PTPN5: variants seen among roughly 807,000 people sequenced by gnomAD.
PTPN5 encodes the protein protein tyrosine phosphatase non-receptor type 5, also known as tyrosine-protein phosphatase non-receptor type 5.
In PTPN5, 29 loss-of-function variants were observed where a neutral mutation model predicts 73.9. The observed-to-expected ratio is 0.39, with a 90% CI of 0.29 to 0.54. The LOEUF is 0.54. PTPN5 is among the 20% of genes least tolerant of loss of function. PTPN5 has a pLI of 0.65. For missense variants in PTPN5, 652 were observed against 751.4 expected, an observed-to-expected ratio of 0.87 and a Z score of 1.55; for synonymous variants, 267 against 304.7, an observed-to-expected ratio of 0.88 and a Z score of 1.29.
chr11:18,739,660 G>A (rs1324006764), intron 8 of PTPN5, among the ~76,000 whole-genome samples: 1 of 152,234 alleles, frequency 6.6e-6, no homozygotes, highest in East Asian at 1.9e-4. Context: ...AAGGAAGGGA[G>A]CTATGAGGGA....
rs1309157938 is a variant in PTPN5 at position 18,728,944 on chromosome 11, G to A, written c.1688C>T (p.Ser563Phe). 1 of 1,613,348 alleles carries A rather than the reference G, an allele frequency of 6.2e-7. No homozygotes were observed. The highest frequency in any genetic ancestry group is 2.2e-5 in the East Asian group (1 of 44,826). The change falls in exon 15 of 15, where the codon TCC becomes TTC. Residue 563 changes from serine (S) to phenylalanine (F), a missense_variant. Physicochemically the swap from Ser to Phe is radical, Grantham distance 155. Around this residue, in one of 3 missense-constraint regions of PTPN5, gnomAD observed 21 missense variants for 16.9 expected, o/e 1.24. Transcript: ENST00000358540. The surrounding 1 kb of genome is among the most constrained non-coding windows in gnomAD (Gnocchi z 4.1). ...SLYEKQLSHQ[S>F]PE ...GTAGGAGAAGCGCAGTCATTCTGGG[G>A]ACTGGTGGGACAGCTGCTTTTCGTA...
chr11:18,733,299 C>A lies in PTPN5; in HGVS notation c.1154G>T (p.Arg385Leu). ...GGGCGTGTGCTCCTGCCACACCATG[C>A]GCCAGAAGTCGGCGACCGTGCTGAC... Reference protein sequence around the residue: ...PIVSTVADFWRMVWQEHTPII... With the variant: ...PIVSTVADFWLMVWQEHTPII... Residue 385 changes from arginine (R) to leucine (L), a missense_variant, in exon 11 of 15, where the codon CGC (arginine) becomes CTC (leucine). By Grantham distance (102) the Arg-to-Leu change is moderately radical (BLOSUM62 -2). Coordinates refer to ENST00000358540, the MANE Select transcript of PTPN5 (RefSeq NM_006906.2). The surrounding 1 kb of genome is among the most constrained non-coding windows in gnomAD (Gnocchi z 4.3). The A allele has an allele frequency of 3.1e-6, 5 of 1,614,134 alleles. No individual in the cohort carries two copies. Among genetic ancestry groups the A allele is most frequent in the Non-Finnish European group, 4.2e-6 (5 of 1,180,012 alleles).
chr11:18,756,122 T>A (rs933885316), intron 3 of PTPN5, among the ~76,000 whole-genome samples: 33 of 152,052 alleles, frequency 2.2e-4, no homozygotes, highest in Admixed American at 1.9e-3. Flanking sequence ...GGATGCTGTA[T>A]GCAAAGCCTT....
At chr11:18,736,255 G>A (rs1461789259) in intron 9 of PTPN5, among the ~76,000 whole-genome samples, 1 of 152,220 alleles carries the variant, frequency 6.6e-6, no homozygotes, top group Admixed American at 6.5e-5. Context: ...CTGGTCAACA[G>A]AGCAAGACCT....
intron 1 of PTPN5, among the ~76,000 whole-genome samples, chr11:18,772,701 G>C (rs4274187): frequency 0.42 from 63,755 of 152,076 alleles, 14,651 homozygotes; most frequent in East Asian, 0.87. Context: ...TTTTTCATTT[G>C]AGTCTGATTC....
intron 3 of PTPN5, among the ~76,000 whole-genome samples, chr11:18,752,218 G>A (rs188249613): frequency 2.0e-5 from 3 of 152,288 alleles, no homozygotes; most frequent in East Asian, 1.9e-4. Flanking sequence ...GGTGACAAGC[G>A]CGAAACTCCG....
chr11:18,738,799 C>T (rs1849232711), intron 8 of PTPN5, among the ~76,000 whole-genome samples: 2 of 151,974 alleles, frequency 1.3e-5, no homozygotes. Flanking sequence ...TGTTGAAACC[C>T]CATCTCTAAT....
chr11:18,741,900 G>T (rs531353785), intron 7 of PTPN5, among the ~76,000 whole-genome samples: 1 of 152,186 alleles, frequency 6.6e-6, no homozygotes, highest in Non-Finnish European at 1.5e-5. Flanking sequence ...GAGTTCCGTG[G>T]TCAAGTGACT....
At position 18,777,978 on chromosome 11, in the gene PTPN5, GAAA is replaced by G. The variant is rs1257382614; in HGVS notation, c.-113-5910_-113-5908del. Among the ~76,000 whole-genome samples the G allele has an allele frequency of 1.7e-4, 7 of 40,408 alleles. No individual in the cohort carries two copies. The East Asian group carries it at 5.9e-3, about 34-fold the overall frequency. 26.5% of individuals were successfully genotyped at this position (40,408 alleles called of 152,430 possible). A position where few individuals can be genotyped will look rare whatever the true frequency, so the allele number is the denominator to read the frequency against. On this transcript the variant is annotated intron_variant, in intron 1 of 14. Coordinates refer to ENST00000358540, the MANE Select transcript of PTPN5 (RefSeq NM_006906.2). ...AGGAAGAAAGGAAGGAAGGAAGGAA[GAAA>G]GAAAGAAAGAAAGGAAGGAAGGAAG...
intron 3 of PTPN5, among the ~76,000 whole-genome samples, chr11:18,761,752 GAGAAA>G (rs1850400137): frequency 6.6e-6 from 1 of 152,118 alleles, no homozygotes; most frequent in Non-Finnish European, 1.5e-5. Context: ...GTGGGAGAAA[GAGAAA>G]GACACCTAAG....
chr11:18,736,118 G>A (rs1274350296), intron 9 of PTPN5, among the ~76,000 whole-genome samples: 1 of 152,166 alleles, frequency 6.6e-6, no homozygotes, highest in East Asian at 1.9e-4. Context: ...GTAGATTTGA[G>A]AGATATTATT....
intron 7 of PTPN5, among the ~76,000 whole-genome samples, chr11:18,741,490 T>C (rs4756963): frequency 0.89 from 136,165 of 152,194 alleles, 62,255 homozygotes; most frequent in Non-Finnish European, 0.99. Context: ...AGAGCTGAAA[T>C]AAAAAGCTAG....
In PTPN5 at chr11:18,742,253, C is replaced by G. The variant is rs1849395961; in HGVS notation, c.725+9G>C. The G allele has an allele frequency of 6.2e-7, 1 of 1,613,614 alleles. No homozygotes were observed. Among genetic ancestry groups the G allele is most frequent in the Admixed American group, 1.7e-5 (1 of 60,000 alleles). ...CCCGTGGAGCCCACCCCTCCTCCAC[C>G]CCTCCCACCTCTCCTGCAGACCCAT... On this transcript the variant is annotated intron_variant, in intron 7 of 14. Transcript: ENST00000358540. This position sits in a 1 kb window ranked among gnomAD's most constrained non-coding sequence, Gnocchi z 4.1.
rs575252487 is a variant in PTPN5 at position 18,746,102 on chromosome 11, T to A, written c.98-1903A>T. On this transcript the variant is annotated intron_variant, in intron 3 of 14. Transcript: ENST00000358540. ...GGGCAAAGGACACTCTTTTACTCAG[T>A]TTTTTTTGCCTGATAAATGGAGATA... 8.8e-5 allele frequency among the ~76,000 whole-genome samples: 13 copies of A among 148,448 alleles called. No homozygotes were observed. The South Asian group carries it at 2.6e-3, about 29-fold the overall frequency.
chr11:18,745,674 T>A (rs751003), intron 3 of PTPN5, among the ~76,000 whole-genome samples: 1 of 151,638 alleles, frequency 6.6e-6, no homozygotes, highest in Non-Finnish European at 1.5e-5. Flanking sequence ...ATCATCATCA[T>A]CAGCAGCAGC....
chr11:18,749,573 A>G (rs1849793114), intron 3 of PTPN5: 2 of 511,732 alleles, frequency 3.9e-6, no homozygotes, highest in Non-Finnish European at 7.8e-6. Flanking sequence ...TGAAGCCTCA[A>G]AGTATACATG....
At chr11:18,786,482 G>A (rs1851677150) in intron 1 of PTPN5, among the ~76,000 whole-genome samples, 1 of 152,198 alleles carries the variant, frequency 6.6e-6, no homozygotes, top group African/African-American at 2.4e-5. Context: ...GATTACAGGC[G>A]TGAGCCACCG....
intron 3 of PTPN5, among the ~76,000 whole-genome samples, chr11:18,758,816 A>G (rs188745228): frequency 6.6e-6 from 1 of 152,312 alleles, no homozygotes; most frequent in African/African-American, 2.4e-5. Flanking sequence ...CTAAAAGGGC[A>G]TTGGCATCAA....
chr11:18,736,624 C>A (rs1368314814), intron 9 of PTPN5, among the ~76,000 whole-genome samples: 3 of 152,224 alleles, frequency 2.0e-5, no homozygotes, highest in African/African-American at 4.8e-5. Flanking sequence ...CTCTGCACCC[C>A]CCAACCCAGT....
Sources: gnomAD v4.1 joint callset for allele counts (sites outside exome capture counted in the v4.1 genomes callset) on GRCh38, gnomAD v4.1.1 for gene constraint, gnomAD v4.1.1 regional missense constraint, Gnocchi (gnomAD v3.1) non-coding constraint, MANE v1.5 for transcripts, NCBI Gene and HGNC (gene_info 2026-07-23, HGNC 2026-07-21) for gene names.